Variants in ZNF541 observed in about 807,000 individuals in gnomAD.
ZNF541 encodes the protein zinc finger protein 541.
A neutral mutation model predicts 123.5 loss-of-function variants in ZNF541; 23 were observed. That is an observed-to-expected ratio of 0.19 (90% CI 0.13 to 0.26). The LOEUF is 0.26. Among genes scored for constraint, ZNF541 ranks in the 10% least tolerant of loss-of-function variants. The pLI is 1.00. For synonymous variants in ZNF541, 751 were observed against 754.5 expected (o/e 1.00, Z 0.08); for missense variants, 1,612 against 1,789.9 (o/e 0.90, Z 1.79).
In ZNF541 at chr19:47,521,205, G is replaced by C. The variant is rs116693763; in HGVS notation, c.*19C>G. On this transcript the variant is annotated 3_prime_UTR_variant, in exon 17 of 17. Transcript: ENST00000391901. The surrounding 1 kb of genome is among the most constrained non-coding windows in gnomAD (Gnocchi z 4.2). ...AGGGGCAGCACTGGAGGCCCCATTC[G>C]GACTTGCTGCCACGGGAGTCACCAC... The C allele has an allele frequency of 6.5e-7, 1 of 1,549,148 alleles. No homozygotes were observed. Among genetic ancestry groups the C allele is most frequent in the East Asian group, 2.4e-5 (1 of 40,868 alleles).
intron 2 of ZNF541, among the ~76,000 whole-genome samples, chr19:47,557,284 GAAGAGCTGA>G (rs778050869): frequency 3.9e-5 from 6 of 151,992 alleles, no homozygotes; most frequent in Non-Finnish European, 7.4e-5. Context: ...TGGGGCCCTG[GAAGAGCTGA>G]ACCATCCACA....
In ZNF541 at chr19:47,527,969, G is replaced by A. The variant is rs1436705503; in HGVS notation, c.3570+981C>T. ...ATGCCTCGGCCTCCCAAAGTGCTGG[G>A]ATTACAGGCATAAACCACCACGCCA... On this transcript the variant is annotated intron_variant, in intron 14 of 16. Transcript: ENST00000391901. 2.0e-5 allele frequency among the ~76,000 whole-genome samples: 3 copies of A among 148,038 alleles called. No homozygotes were observed. The East Asian group carries it at 6.1e-4, about 30-fold the overall frequency.
At chr19:47,542,702 C>T (rs930601539) in intron 5 of ZNF541, among the ~76,000 whole-genome samples, 4 of 152,058 alleles carry the variant, frequency 2.6e-5, no homozygotes, top group African/African-American at 9.7e-5. Flanking sequence ...AATCTCAGCA[C>T]TTTGGGAGGC....
intron 2 of ZNF541, among the ~76,000 whole-genome samples, chr19:47,567,050 C>A (rs1971294320): frequency 6.6e-6 from 1 of 150,784 alleles, no homozygotes. Context: ...GACTCCATCT[C>A]AAAAATAAAT....
chr19:47,521,453 AGT>A lies in ZNF541; in HGVS notation c.3887+24_3887+25del. 1 of 1,550,768 alleles carries A rather than the reference AGT, an allele frequency of 6.4e-7. No individual in the cohort carries two copies. The highest frequency in any genetic ancestry group is 8.7e-7 in the Non-Finnish European group (1 of 1,146,286). On this transcript the variant is annotated intron_variant, in intron 16 of 16. Transcript: ENST00000391901. This position sits in a 1 kb window ranked among gnomAD's most constrained non-coding sequence, Gnocchi z 4.2. ...AGGGGCTGAGGCTGGGAGCCCTGGG[AGT>A]GTTTCCAGGAGAAAGCTGGGTACCT...
intron 14 of ZNF541, among the ~76,000 whole-genome samples, chr19:47,522,281 C>G (rs965136263): frequency 6.6e-6 from 1 of 152,212 alleles, no homozygotes; most frequent in Non-Finnish European, 1.5e-5. Context: ...AAGGTTGCAC[C>G]AGGGATGCCA....
chr19:47,537,368 A>G (rs1969869049), intron 9 of ZNF541, among the ~76,000 whole-genome samples: 1 of 152,102 alleles, frequency 6.6e-6, no homozygotes. Flanking sequence ...GCTCGAGACC[A>G]GCCTGGCCAA....
chr19:47,543,455 A>G (rs1412731273), intron 5 of ZNF541, among the ~76,000 whole-genome samples: 1 of 152,098 alleles, frequency 6.6e-6, no homozygotes, highest in Non-Finnish European at 1.5e-5. Context: ...GTGGAAACCA[A>G]GACTCACAAT....
rs762966420 is a variant in ZNF541 at position 47,549,246 on chromosome 19, G to A, written c.547C>T (p.Leu183=). The change falls in exon 4 of 17, where the codon CTG becomes TTG. Residue 183 remains leucine, a splice_region_variant and synonymous_variant. Coordinates refer to ENST00000391901, the MANE Select transcript of ZNF541 (RefSeq NM_001277075.3). ...CSKAFKRQDH[L]TGHMLTHQKT... Reference sequence around the variant, plus strand: ...TTTTCTGACCAGACTCCCACATACAGGTGGTCCTGGCGCTTAAAGGCCTTG... The same window carrying A: ...TTTTCTGACCAGACTCCCACATACAAGTGGTCCTGGCGCTTAAAGGCCTTG... 2 of 1,551,928 alleles carry A rather than the reference G, an allele frequency of 1.3e-6. No homozygotes were observed. Among genetic ancestry groups the A allele is most frequent in the African/African-American group, 2.7e-5 (2 of 73,024 alleles).
At chr19:47,569,311 TCTTGTAATCA>T (rs1470848081) in intron 2 of ZNF541, among the ~76,000 whole-genome samples, 1 of 152,118 alleles carries the variant, frequency 6.6e-6, no homozygotes, top group Non-Finnish European at 1.5e-5. Context: ...TGCCAGGTAC[TCTTGTAATCA>T]CTTGTATGTC....
intron 3 of ZNF541, among the ~76,000 whole-genome samples, chr19:47,550,453 A>T (rs1970554041): frequency 6.6e-6 from 1 of 151,804 alleles, no homozygotes. Context: ...GAAAGAAAAG[A>T]AAGAAAGAAT....
chr19:47,540,833 A>G, intron 6 of ZNF541, 60 bp downstream of exon 6: 1 of 1,516,326 alleles, frequency 6.6e-7, no homozygotes, highest in Non-Finnish European at 8.9e-7. Context: ...CAGGGCCGGC[A>G]CAGGAAGGCC....
chr19:47,544,974 G>A lies in ZNF541; in HGVS notation c.1555C>T (p.Pro519Ser). ...DSFLCQNPGE[P>S]GLQEAQKAGG... ...GCCTTCTGGGCCTCCTGGAGGCCGG[G>A]CTCCCCGGGGTTCTGGCACAGGAAG... The change falls in exon 5 of 17, where the codon CCC becomes TCC. Residue 519 changes from proline (P) to serine (S), a missense_variant. This residue lies in a region of ZNF541 where 1,080 missense variants were observed against 1,013.8 expected (regional missense o/e 1.07). Coordinates refer to ENST00000391901, the MANE Select transcript of ZNF541 (RefSeq NM_001277075.3). 6.5e-7 allele frequency: 1 copy of A among 1,532,650 alleles called. No individual in the cohort carries two copies. Among genetic ancestry groups the A allele is most frequent in the Non-Finnish European group, 8.7e-7 (1 of 1,145,446 alleles). The allele number at this position is 1,532,650 out of a possible 1,614,324, so 94.9% of individuals were successfully genotyped here. A position where few individuals can be genotyped will look rare whatever the true frequency, so the allele number is the denominator to read the frequency against.
In ZNF541 at chr19:47,571,959, G is replaced by C. The variant is rs1044382586; in HGVS notation, c.-162C>G. ...ACCCAGTTTAGGCCCCACAGGGAGGGGGTTCAGGTGACAAGCAGACCACTG... is the reference window on the plus strand; with the variant it reads ...ACCCAGTTTAGGCCCCACAGGGAGGCGGTTCAGGTGACAAGCAGACCACTG... On this transcript the variant is annotated 5_prime_UTR_variant, in exon 2 of 17. Coordinates refer to ENST00000391901, the MANE Select transcript of ZNF541 (RefSeq NM_001277075.3). 2.6e-5 allele frequency among the ~76,000 whole-genome samples: 4 copies of C among 152,142 alleles called. No homozygotes were observed. Among genetic ancestry groups the C allele is most frequent in the Admixed American group, 1.3e-4 (2 of 15,252 alleles).
intron 2 of ZNF541, among the ~76,000 whole-genome samples, chr19:47,558,561 A>G (rs936025396): frequency 7.2e-5 from 11 of 152,178 alleles, no homozygotes; most frequent in Admixed American, 6.5e-4. Flanking sequence ...CTAGAAAGAT[A>G]CAAATTACCA....
chr19:47,563,701 G>C (rs1971154228), intron 2 of ZNF541, among the ~76,000 whole-genome samples: 1 of 152,144 alleles, frequency 6.6e-6, no homozygotes, highest in African/African-American at 2.4e-5. Flanking sequence ...CTGCCTCCTG[G>C]GTTCAAGCAA....
chr19:47,539,944 T>C (rs1264754611), intron 7 of ZNF541, 66 bp from the exon 8 acceptor site: 8 of 1,501,960 alleles, frequency 5.3e-6, no homozygotes, highest in Non-Finnish European at 6.2e-6. Context: ...AAGAGCTGCT[T>C]CAGCAAAAAA....
Position 47,544,275 on chromosome 19 carries a change from G to A in ZNF541, c.2254C>T (p.Pro752Ser). Residue 752 changes from proline (P) to serine (S), a missense_variant, in exon 5 of 17, where the codon CCG (proline) becomes TCG (serine). Pro to Ser is a moderately conservative substitution (Grantham distance 74). This residue lies in a region of ZNF541 where 1,080 missense variants were observed against 1,013.8 expected (regional missense o/e 1.07). Transcript: ENST00000391901. Reference protein sequence around the residue: ...GYRLLGNPRAPRFSGFRKEKA... With the variant: ...GYRLLGNPRASRFSGFRKEKA... The stretch of plus-strand genomic sequence containing the variant: ...TCTTTCCGGAAGCCGGAGAATCGCG[G>A]GGCCCTGGGGTTGCCCAAGAGCCGG... 2 of 1,551,592 alleles carry A rather than the reference G, an allele frequency of 1.3e-6. No homozygotes were observed. Among genetic ancestry groups the A allele is most frequent in the Middle Eastern group, 1.7e-4 (1 of 5,988 alleles).
chr19:47,555,537 G>A lies in ZNF541; in HGVS notation c.307+13C>T, dbSNP rs1199157510. 2 of 1,524,064 alleles carry A rather than the reference G, an allele frequency of 1.3e-6. No individual in the cohort carries two copies. Among genetic ancestry groups the A allele is most frequent in the African/African-American group, 1.4e-5 (1 of 72,610 alleles). The allele number at this position is 1,524,064 out of a possible 1,614,324, so 94.4% of individuals were successfully genotyped here. A position where few individuals can be genotyped will look rare whatever the true frequency, so the allele number is the denominator to read the frequency against. ...CATCCTGCAGGGCCCTTCTACCCAG[G>A]TGACAGCCTCACCTTGTAAGGATGC... is the stretch of plus-strand genomic sequence containing the variant. On this transcript the variant is annotated intron_variant, in intron 3 of 16. Transcript: ENST00000391901.
Sources: allele counts gnomAD v4.1 joint callset (sites outside exome capture counted in the v4.1 genomes callset), GRCh38; gene constraint gnomAD v4.1.1; regional missense constraint gnomAD v4.1.1; non-coding constraint Gnocchi (gnomAD v3.1); transcripts MANE v1.5; gene names NCBI Gene and HGNC (gene_info 2026-07-23, HGNC 2026-07-21).